GLT8D2: variants seen among roughly 807,000 people sequenced by gnomAD.
GLT8D2 encodes glycosyltransferase 8 domain containing 2.
A neutral mutation model predicts 44.5 loss-of-function variants in GLT8D2; 45 were observed. The ratio of observed to expected loss-of-function variants is 1.01; its 90% CI spans 0.80 to 1.30. The LOEUF is 1.30. Ranked by LOEUF, GLT8D2 falls within the 50% of genes most tolerant of loss-of-function variation. The probability of loss-of-function intolerance (pLI) is 0.00; values close to 1 mark genes in which losing one functional copy is unlikely to be tolerated. For synonymous variants in GLT8D2, 156 were observed against 157.2 expected (o/e 0.99, Z 0.06); for missense variants, 400 against 430.4 (o/e 0.93, Z 0.62).
intron 4 of GLT8D2, among the ~76,000 whole-genome samples, chr12:104,011,758 T>C (rs1485213438): frequency 6.6e-6 from 1 of 152,144 alleles, no homozygotes; most frequent in African/African-American, 2.4e-5. Context: ...TGGTAAATTG[T>C]GACTGTTTTC....
intron 3 of GLT8D2, among the ~76,000 whole-genome samples, 200 bp from the exon 4 acceptor site, chr12:104,015,305 T>C (rs778919516): frequency 1.3e-5 from 2 of 151,950 alleles, no homozygotes; most frequent in African/African-American, 4.8e-5. Flanking sequence ...CCCAGTACTT[T>C]GGGAGGCCAA....
chr12:104,041,719 G>C (rs1475340771), intron 1 of GLT8D2, among the ~76,000 whole-genome samples: 5 of 152,208 alleles, frequency 3.3e-5, no homozygotes, highest in African/African-American at 1.2e-4. Flanking sequence ...AGGCACCCAG[G>C]CACTAGAGAT....
chr12:104,064,220 A>C, upstream of GLT8D2: 1 of 216,734 alleles, frequency 4.6e-6, no homozygotes, highest in Non-Finnish European at 9.1e-6. This position sits in a 1 kb window ranked among gnomAD's most constrained non-coding sequence, Gnocchi z 7.3. Context: ...ATGCTCAATT[A>C]AAGTGGACGT....
At chr12:104,058,289 T>C (rs1320564866) in intron 1 of GLT8D2, among the ~76,000 whole-genome samples, 6 of 152,182 alleles carry the variant, frequency 3.9e-5, no homozygotes, top group African/African-American at 1.4e-4. Context: ...TTTCATGCAG[T>C]TGGTGCCTGG....
chr12:104,041,838 T>C (rs1362659326), intron 1 of GLT8D2, among the ~76,000 whole-genome samples: 1 of 152,172 alleles, frequency 6.6e-6, no homozygotes, highest in Non-Finnish European at 1.5e-5. Flanking sequence ...GATGTAAGCA[T>C]GGGATATTGT....
intron 1 of GLT8D2, among the ~76,000 whole-genome samples, chr12:104,028,751 A>C (rs574587170): frequency 3.3e-4 from 51 of 152,330 alleles, no homozygotes; most frequent in African/African-American, 1.1e-3. Context: ...CAAAGTAATC[A>C]CACTTAAGAT....
intron 4 of GLT8D2, among the ~76,000 whole-genome samples, chr12:104,009,931 T>C (rs939020446): frequency 6.6e-6 from 1 of 152,216 alleles, no homozygotes; most frequent in African/African-American, 2.4e-5. Context: ...GTAAGTCCAA[T>C]TAAACCTCTT....
intron 1 of GLT8D2, among the ~76,000 whole-genome samples, chr12:104,040,831 T>C (rs932050612): frequency 2.0e-5 from 3 of 152,206 alleles, no homozygotes; most frequent in African/African-American, 7.2e-5. Context: ...TGGGTGTAAA[T>C]TTGTAAGTTC....
At chr12:104,012,760 C>T (rs1876046383) in intron 4 of GLT8D2, 1 of 692,272 alleles carries the variant, frequency 1.4e-6, no homozygotes, top group Non-Finnish European at 2.6e-6. Flanking sequence ...ACTTAATTGC[C>T]TTTAAAAAGG....
At chr12:104,028,308 G>A (rs1228213280) in intron 1 of GLT8D2, among the ~76,000 whole-genome samples, 4 of 152,150 alleles carry the variant, frequency 2.6e-5, no homozygotes, top group Non-Finnish European at 4.4e-5. Context: ...GTGTGTGTGT[G>A]TGTATAATTG....
intron 1 of GLT8D2, among the ~76,000 whole-genome samples, chr12:104,033,182 C>G (rs1281270366): frequency 1.3e-5 from 2 of 150,194 alleles, no homozygotes; most frequent in East Asian, 3.9e-4. Flanking sequence ...GCACCCAGCC[C>G]GCAGCACTAT....
intron 2 of GLT8D2, among the ~76,000 whole-genome samples, chr12:104,019,887 G>C (rs1277341107): frequency 6.6e-6 from 1 of 152,028 alleles, no homozygotes; most frequent in Admixed American, 6.6e-5. Context: ...CCTTACTAAG[G>C]GTCCTCAAAA....
At position 103,999,641 on chromosome 12, in the gene GLT8D2, G is replaced by C. The variant is rs1028264242; in HGVS notation, c.285-127C>G. The C allele has an allele frequency of 1.5e-4, 94 of 645,588 alleles. 2 individuals are homozygous for C. Among genetic ancestry groups the C allele is most frequent in the South Asian group, 9.2e-4 (50 of 54,390 alleles). The allele number at this position is 645,588 out of a possible 1,614,324, so 40.0% of individuals were successfully genotyped here. ...TTAAAATGTGCGTAAATTTAGTAGA[G>C]TTTAGTCCAATAAATCCCTCTGACT... On this transcript the variant is annotated intron_variant, in intron 5 of 10. Coordinates refer to ENST00000360814, the MANE Select transcript of GLT8D2 (RefSeq NM_001384711.1).
At position 104,013,393 on chromosome 12, in the gene GLT8D2, T is replaced by C. The variant is rs12819631; in HGVS notation, c.112+1620A>G. 8.5e-3 allele frequency among the ~76,000 whole-genome samples: 1,296 copies of C among 152,340 alleles called. 17 individuals are homozygous for C. The highest frequency in any genetic ancestry group is 9.9e-3 in the Non-Finnish European group (674 of 68,038). ...GCTTGTATCAGTCATTTGTTCCTTT[T>C]TACTGTCGAAAAGTATTTCATTGTG... On this transcript the variant is annotated intron_variant, in intron 4 of 10. Transcript: ENST00000360814.
intron 5 of GLT8D2, 103 bp from the exon 6 acceptor site, chr12:103,999,617 TA>T (rs1873943631): frequency 1.4e-6 from 1 of 716,442 alleles, no homozygotes; most frequent in Non-Finnish European, 2.5e-6. Flanking sequence ...AAGTTAAAAT[TA>T]AAATGTGCGT....
At chr12:104,015,131 A>T (rs768873604) in intron 3 of GLT8D2, 26 bp from the exon 4 acceptor site, 1 of 1,555,254 alleles carries the variant, frequency 6.4e-7, no homozygotes, top group Non-Finnish European at 8.9e-7. Flanking sequence ...AAACACATTA[A>T]CATTGAACCT....
At chr12:104,033,419 G>C (rs1280977352) in intron 1 of GLT8D2, among the ~76,000 whole-genome samples, 1 of 152,096 alleles carries the variant, frequency 6.6e-6, no homozygotes, top group Non-Finnish European at 1.5e-5. Context: ...AATGAATACA[G>C]CATGTTCACT....
At chr12:104,010,092 T>C (rs1026026983) in intron 4 of GLT8D2, among the ~76,000 whole-genome samples, 1 of 152,242 alleles carries the variant, frequency 6.6e-6, no homozygotes, top group African/African-American at 2.4e-5. Flanking sequence ...TATCATGTGA[T>C]ATGTTACCTG....
At chr12:104,050,333 G>A (rs1273655270), upstream of GLT8D2, 2 of 152,170 alleles carry the variant, frequency 1.3e-5, no homozygotes, top group Admixed American at 6.5e-5. Flanking sequence ...ATGCTTTCAG[G>A]GTGAATTTCT....
Sources: gnomAD v4.1 joint callset for allele counts (sites outside exome capture counted in the v4.1 genomes callset) on GRCh38, gnomAD v4.1.1 for gene constraint, Gnocchi (gnomAD v3.1) non-coding constraint, MANE v1.5 for transcripts, NCBI Gene and HGNC (gene_info 2026-07-23, HGNC 2026-07-21) for gene names.